HNF4G: variants seen among roughly 807,000 people sequenced by gnomAD.
HNF4G encodes hepatocyte nuclear factor 4-gamma.
A neutral mutation model predicts 50.9 loss-of-function variants in HNF4G; 21 were observed. The ratio of observed to expected loss-of-function variants is 0.41; its 90% CI spans 0.29 to 0.59. HNF4G has a LOEUF of 0.59. HNF4G is among the 20% of genes least tolerant of loss of function. The probability of loss-of-function intolerance (pLI) is 0.26; values close to 1 mark genes in which losing one functional copy is unlikely to be tolerated. For synonymous variants in HNF4G, 198 were observed against 185.6 expected (o/e 1.07, Z -0.54); for missense variants, 527 against 559.4 (o/e 0.94, Z 0.58).
At chr8:75,561,184 T>G (rs1585961428) in intron 9 of HNF4G, among the ~76,000 whole-genome samples, 1 of 152,274 alleles carries the variant, frequency 6.6e-6, no homozygotes, top group Admixed American at 6.5e-5. Context: ...TGTGAAATTT[T>G]CTTGCCGGTT....
intron 2 of HNF4G, among the ~76,000 whole-genome samples, chr8:75,519,269 A>G (rs1805975250): frequency 6.6e-6 from 1 of 152,194 alleles, no homozygotes; most frequent in Non-Finnish European, 1.5e-5. Flanking sequence ...CGCTATTAGC[A>G]TTTTGGTCAA....
chr8:75,502,895 G>A (rs970575009), intron 2 of HNF4G, among the ~76,000 whole-genome samples: 4 of 152,194 alleles, frequency 2.6e-5, no homozygotes, highest in South Asian at 2.1e-4. Flanking sequence ...TCCAATATAC[G>A]ATGATATGGA....
chr8:75,522,747 G>A (rs537387419), intron 2 of HNF4G, among the ~76,000 whole-genome samples: 30 of 152,290 alleles, frequency 2.0e-4, no homozygotes, highest in African/African-American at 7.2e-4. Context: ...AACCACTGAT[G>A]TAGCCGCCTG....
At chr8:75,503,049 A>G (rs1812972936) in intron 2 of HNF4G, among the ~76,000 whole-genome samples, 1 of 152,174 alleles carries the variant, frequency 6.6e-6, no homozygotes, top group African/African-American at 2.4e-5. Flanking sequence ...AAATTGTGAG[A>G]TATTATTAGG....
intron 2 of HNF4G, among the ~76,000 whole-genome samples, chr8:75,511,927 C>A (rs1444336502): frequency 2.0e-5 from 3 of 152,102 alleles, no homozygotes; most frequent in Admixed American, 2.0e-4. Context: ...TTACTAAGTA[C>A]CCTAGTGTTT....
chr8:75,560,494 A>C (rs760912119), intron 9 of HNF4G, 28 bp downstream of exon 9: 4 of 1,588,282 alleles, frequency 2.5e-6, no homozygotes, highest in Non-Finnish European at 8.6e-7. Context: ...TTTTCAACCA[A>C]GATATTTCTT....
At chr8:75,420,278 C>T (rs952351449) in intron 1 of HNF4G, among the ~76,000 whole-genome samples, 2 of 152,204 alleles carry the variant, frequency 1.3e-5, no homozygotes, top group Admixed American at 6.5e-5. Flanking sequence ...TGTAAGTCTA[C>T]GAACTGCTTT....
chr8:75,541,620 C>G (rs1051924627), intron 1 of HNF4G, among the ~76,000 whole-genome samples: 1 of 151,904 alleles, frequency 6.6e-6, no homozygotes, highest in Non-Finnish European at 1.5e-5. Flanking sequence ...ACATGACAAC[C>G]TTTAGTATTA....
At chr8:75,443,758 T>C (rs1000510561) in intron 1 of HNF4G, among the ~76,000 whole-genome samples, 1 of 152,196 alleles carries the variant, frequency 6.6e-6, no homozygotes, top group African/African-American at 2.4e-5. Flanking sequence ...TATGTCAATC[T>C]TTTTTGTAGT....
At chr8:75,496,325 G>A (rs949339973) in intron 2 of HNF4G, among the ~76,000 whole-genome samples, 1 of 151,682 alleles carries the variant, frequency 6.6e-6, no homozygotes, top group African/African-American at 2.4e-5. Flanking sequence ...GATACCTACT[G>A]GCAGGGTTCT....
intron 9 of HNF4G, among the ~76,000 whole-genome samples, chr8:75,563,185 C>A (rs1283556411): frequency 6.6e-6 from 1 of 151,976 alleles, no homozygotes; most frequent in South Asian, 2.1e-4. Context: ...TAACAATAAG[C>A]GTGAGTACTA....
chr8:75,483,877 T>C (rs1812439131), intron 1 of HNF4G, among the ~76,000 whole-genome samples: 1 of 152,196 alleles, frequency 6.6e-6, no homozygotes, highest in Non-Finnish European at 1.5e-5. Context: ...TTGATATGTC[T>C]CGATCAATAA....
At chr8:75,498,417 A>G (rs1812835204) in intron 2 of HNF4G, among the ~76,000 whole-genome samples, 1 of 152,094 alleles carries the variant, frequency 6.6e-6, no homozygotes, top group African/African-American at 2.4e-5. Flanking sequence ...TAGTGATCAA[A>G]AACATTCCCG....
At chr8:75,493,826 A>C (rs1426041363) in intron 2 of HNF4G, among the ~76,000 whole-genome samples, 1 of 152,090 alleles carries the variant, frequency 6.6e-6, no homozygotes, top group Non-Finnish European at 1.5e-5. Context: ...ATTATGTTTT[A>C]ATTGTTATTC....
At chr8:75,509,609 T>C (rs571637636) in intron 2 of HNF4G, among the ~76,000 whole-genome samples, 2 of 152,324 alleles carry the variant, frequency 1.3e-5, no homozygotes, top group South Asian at 4.1e-4. Flanking sequence ...TGCCACATAA[T>C]GATGTTCTGG....
At chr8:75,427,710 A>AT (rs1192034398) in intron 1 of HNF4G, among the ~76,000 whole-genome samples, 1 of 152,120 alleles carries the variant, frequency 6.6e-6, no homozygotes, top group Non-Finnish European at 1.5e-5. Flanking sequence ...TTAAATTGTA[A>AT]TAAGCCTATG....
intron 3 of HNF4G, among the ~76,000 whole-genome samples, chr8:75,548,826 G>A (rs534885947): frequency 6.6e-6 from 1 of 152,164 alleles, no homozygotes; most frequent in East Asian, 1.9e-4. Context: ...ATTTTTCTTT[G>A]CCATTCAATA....
intron 3 of HNF4G, among the ~76,000 whole-genome samples, chr8:75,548,302 G>A (rs769548245): frequency 8.6e-5 from 13 of 151,978 alleles, no homozygotes; most frequent in Non-Finnish European, 1.9e-4. Context: ...ATTTTTTGTT[G>A]TTGTTGTTCT....
At chr8:75,539,158 G>T (rs1359789133), upstream of HNF4G, among the ~76,000 whole-genome samples, 1 of 152,048 alleles carries the variant, frequency 6.6e-6, no homozygotes, top group African/African-American at 2.4e-5. Context: ...ACACGTTAGG[G>T]ATAATTTTAT....
Sources: gnomAD v4.1 joint callset for allele counts (sites outside exome capture counted in the v4.1 genomes callset) on GRCh38, gnomAD v4.1.1 for gene constraint, MANE v1.5 for transcripts, NCBI Gene and HGNC (gene_info 2026-07-23, HGNC 2026-07-21) for gene names.